The following MAP3K5 variants were observed in gnomAD, a reference collection of about 807,000 sequenced individuals.
The protein encoded by MAP3K5 is mitogen-activated protein kinase kinase kinase 5.
MAP3K5 carries 56 observed loss-of-function variants against 158.7 expected under a neutral mutation model. The observed-to-expected ratio is 0.35, with a 90% confidence interval of 0.28 to 0.44. The LOEUF (loss-of-function observed/expected upper bound fraction) is 0.44. MAP3K5 is among the 20% of genes least tolerant of loss of function. The pLI is 1.00. For synonymous variants in MAP3K5, 579 were observed against 601.7 expected, an observed-to-expected ratio of 0.96 and a Z score of 0.55; for missense variants, 1,294 against 1,674.8, an observed-to-expected ratio of 0.77 and a Z score of 3.97.
rs775367564 is a variant in MAP3K5, at chr6:136,637,410, C to T, written c.1935-4G>A. 2 of 1,542,150 alleles carry T rather than the reference C, an allele frequency of 1.3e-6. No homozygotes were observed. The highest frequency in any genetic ancestry group is 1.7e-5 in the Admixed American group (1 of 59,934). On this transcript the variant is annotated splice_polypyrimidine_tract_variant and splice_region_variant and intron_variant, in intron 13 of 29. Transcript: ENST00000359015. ...GGTGTTCACCATCTCAAAAAACCTA[C>T]AATACAAGTTAGCACGTGAGCATTC...
chr6:136,789,124 C>T (rs565176106), intron 1 of MAP3K5, among the ~76,000 whole-genome samples: 2 of 152,050 alleles, frequency 1.3e-5, no homozygotes, highest in South Asian at 2.1e-4. Flanking sequence ...AGCAAGACCC[C>T]GTCTCTACAA....
chr6:136,771,920 A>AT (rs199994445), intron 1 of MAP3K5, among the ~76,000 whole-genome samples: 2,095 of 148,602 alleles, frequency 0.014, 47 homozygotes, highest in South Asian at 0.057. Context: ...CTCCCTTTTT[A>AT]TTTTTTTTTT....
intron 1 of MAP3K5, among the ~76,000 whole-genome samples, chr6:136,770,905 T>C (rs769753304): frequency 3.3e-5 from 5 of 151,942 alleles, no homozygotes; most frequent in Non-Finnish European, 5.9e-5. Context: ...TGAGGAAAAA[T>C]ATAATAAATT....
At chr6:136,712,711 G>A (rs1781360920) in intron 2 of MAP3K5, among the ~76,000 whole-genome samples, 1 of 152,166 alleles carries the variant, frequency 6.6e-6, no homozygotes, top group South Asian at 2.1e-4. Flanking sequence ...TCGAATTGTA[G>A]CTCCCATGAT....
intron 7 of MAP3K5, 52 bp from the exon 8 acceptor site, chr6:136,669,447 G>A: frequency 9.7e-7 from 1 of 1,027,082 alleles, no homozygotes; most frequent in East Asian, 2.4e-5. Context: ...TGAAACCCTG[G>A]GTGTGTAATA....
chr6:136,610,597 T>TTA (rs1776289565), intron 18 of MAP3K5, among the ~76,000 whole-genome samples: 1 of 64,358 alleles, frequency 1.6e-5, no homozygotes, highest in Non-Finnish European at 3.4e-5. Context: ...AAATGTTTAA[T>TTA]AAAAAAAAAA....
chr6:136,568,067 G>C (rs1774199663), intron 25 of MAP3K5, among the ~76,000 whole-genome samples, 193 bp from the exon 26 acceptor site: 1 of 152,060 alleles, frequency 6.6e-6, no homozygotes, highest in Non-Finnish European at 1.5e-5. Context: ...CACAAGATAT[G>C]ATCTAATTCA....
At chr6:136,662,729 A>T (rs954298224) in intron 8 of MAP3K5, among the ~76,000 whole-genome samples, 2 of 152,236 alleles carry the variant, frequency 1.3e-5, no homozygotes, top group Admixed American at 1.3e-4. Flanking sequence ...CTCTTCATCC[A>T]TACAGAAAAA....
chr6:136,741,522 C>A (rs554013451), intron 1 of MAP3K5, among the ~76,000 whole-genome samples: 131 of 149,108 alleles, frequency 8.8e-4, no homozygotes, highest in African/African-American at 3.1e-3. Flanking sequence ...AAAAAAAAAA[C>A]CCTATAGCTA....
intron 23 of MAP3K5, among the ~76,000 whole-genome samples, chr6:136,586,658 G>C (rs1351151455): frequency 6.6e-6 from 1 of 152,128 alleles, no homozygotes; most frequent in African/African-American, 2.4e-5. Flanking sequence ...GTGTCTACTT[G>C]ATTGGATCGA....
intron 7 of MAP3K5, among the ~76,000 whole-genome samples, chr6:136,690,244 T>G (rs961785526): frequency 1.6e-4 from 25 of 152,312 alleles, no homozygotes; most frequent in South Asian, 1.2e-3. Flanking sequence ...ATGACTGTTT[T>G]TAAACATTCT....
chr6:136,666,573 T>C (rs1779238700), intron 8 of MAP3K5, among the ~76,000 whole-genome samples: 1 of 152,172 alleles, frequency 6.6e-6, no homozygotes, highest in Non-Finnish European at 1.5e-5. Context: ...ATGCCAAGTA[T>C]ATTGTCTCAT....
intron 4 of MAP3K5, among the ~76,000 whole-genome samples, chr6:136,698,041 G>A (rs1437201981): frequency 2.0e-5 from 3 of 152,170 alleles, no homozygotes; most frequent in Non-Finnish European, 4.4e-5. Flanking sequence ...CACGGCACTG[G>A]CCGTGATGTA....
chr6:136,588,696 T>C (rs1775246789), intron 23 of MAP3K5, among the ~76,000 whole-genome samples: 1 of 152,158 alleles, frequency 6.6e-6, no homozygotes, highest in African/African-American at 2.4e-5. Context: ...TCCAGCTTGG[T>C]TCCTCTTCTT....
intron 7 of MAP3K5, among the ~76,000 whole-genome samples, chr6:136,669,745 C>T (rs1292097105): frequency 1.3e-5 from 2 of 152,046 alleles, no homozygotes; most frequent in African/African-American, 4.8e-5. Flanking sequence ...TAATATTATA[C>T]AGTATGATAT....
chr6:136,723,997 C>T (rs1328060677), intron 1 of MAP3K5, among the ~76,000 whole-genome samples: 1 of 152,166 alleles, frequency 6.6e-6, no homozygotes, highest in East Asian at 1.9e-4. Flanking sequence ...CAGCTTCCTC[C>T]TCCCACAGGT....
chr6:136,580,806 A>C (rs9389408), intron 24 of MAP3K5, among the ~76,000 whole-genome samples: 30,931 of 151,850 alleles, frequency 0.2, 3,508 homozygotes, highest in East Asian at 0.45. Context: ...ACTTCTTCTT[A>C]TTATTATTAT....
intron 14 of MAP3K5, among the ~76,000 whole-genome samples, chr6:136,633,405 AT>A (rs1407777482): frequency 2.7e-5 from 4 of 149,458 alleles, no homozygotes; most frequent in Admixed American, 6.8e-5. Context: ...CTGAAAAAAA[AT>A]AAAATAAAAT....
At position 136,695,968 on chromosome 6, in the gene MAP3K5, A is replaced by G. The variant is rs1270076265; in HGVS notation, c.1065T>C (p.Tyr355=). 2 of 1,612,728 alleles carry G rather than the reference A, an allele frequency of 1.2e-6. No individual in the cohort carries two copies. Among genetic ancestry groups the G allele is most frequent in the South Asian group, 1.1e-5 (1 of 90,976 alleles). ...LASHHHVKFH[Y]AFALNRRNLP... Reference sequence around the variant, plus strand: ...CTTCTTACCTATTCAGTGCAAATGCATAATGAAACTTCACATGGTGATGGG... The same window carrying G: ...CTTCTTACCTATTCAGTGCAAATGCGTAATGAAACTTCACATGGTGATGGG... The change falls in exon 6 of 30, where the codon TAT becomes TAC. Residue 355 remains tyrosine (Y), a synonymous_variant. Coordinates refer to ENST00000359015, the MANE Select transcript of MAP3K5 (RefSeq NM_005923.4).
Sources: gnomAD v4.1 joint callset for allele counts (sites outside exome capture counted in the v4.1 genomes callset) on GRCh38, gnomAD v4.1.1 for gene constraint, MANE v1.5 for transcripts, NCBI Gene and HGNC (gene_info 2026-07-23, HGNC 2026-07-21) for gene names.